The following NAV3 variants were observed in gnomAD, a reference collection of about 807,000 sequenced individuals.
The protein encoded by NAV3 is neuron navigator 3, also known as pore membrane and/or filament interacting like protein 1.
Under a neutral mutation model 244.7 loss-of-function variants are expected in NAV3, and 87 were observed. The ratio of observed to expected loss-of-function variants is 0.36; its 90% CI spans 0.30 to 0.42. The LOEUF is 0.42. NAV3 is among the 20% of genes least tolerant of loss of function. The pLI is 1.00. For missense variants in NAV3, 2,663 were observed against 2,893.3 expected (o/e 0.92, Z 1.83); for synonymous variants, 1,126 against 1,042.2 (o/e 1.08, Z -1.55).
intron 1 of NAV3, among the ~76,000 whole-genome samples, chr12:77,846,094 A>T (rs955304195): frequency 6.6e-6 from 1 of 152,218 alleles, no homozygotes; most frequent in Non-Finnish European, 1.5e-5. Context: ...GGAAAGGGAT[A>T]GGCTTATGTA....
At chr12:77,576,418 G>A (rs1322329678) in intron 2 of NAV3, among the ~76,000 whole-genome samples, 1 of 151,950 alleles carries the variant, frequency 6.6e-6, no homozygotes, top group Non-Finnish European at 1.5e-5. Context: ...TCAAACAGAA[G>A]CGTGGTCTGG....
intron 13 of NAV3, among the ~76,000 whole-genome samples, chr12:78,117,640 A>G (rs942303170): frequency 6.6e-6 from 1 of 151,614 alleles, no homozygotes; most frequent in African/African-American, 2.4e-5. Context: ...AATTATTTTC[A>G]TAGTCTAATT....
intron 1 of NAV3, among the ~76,000 whole-genome samples, chr12:77,833,051 C>G (rs1461840124): frequency 6.6e-6 from 1 of 152,238 alleles, no homozygotes; most frequent in Non-Finnish European, 1.5e-5. Flanking sequence ...ATCCTTTAAG[C>G]TTTATCCCAG....
chr12:78,154,374 GTA>G (rs887253772), intron 22 of NAV3, among the ~76,000 whole-genome samples: 10 of 122,574 alleles, frequency 8.2e-5, no homozygotes, highest in African/African-American at 1.5e-4. Context: ...ATATATGTGT[GTA>G]TATATATATA....
At position 77,588,955 on chromosome 12, in the gene NAV3, C is replaced by T. The variant is rs1437723767; in HGVS notation, c.72+16689C>T. On this transcript the variant is annotated intron_variant, in intron 2 of 8. Transcript: ENST00000550042. ...CAGTGGTCTGAATGTTAGGACTGGA[C>T]ACAGCAGAGCTATACCTGGGAATGA... 2.0e-5 allele frequency among the ~76,000 whole-genome samples: 3 copies of T among 152,116 alleles called. No homozygotes were observed. The East Asian group carries it at 5.8e-4, about 29-fold the overall frequency.
chr12:77,849,941 A>T (rs1877253174), intron 1 of NAV3, among the ~76,000 whole-genome samples: 1 of 152,170 alleles, frequency 6.6e-6, no homozygotes, highest in Non-Finnish European at 1.5e-5. Flanking sequence ...TACCTGATTA[A>T]AATTAAGACT....
At chr12:77,806,843 G>A (rs1404262066) in intron 2 of NAV3, among the ~76,000 whole-genome samples, 1 of 152,032 alleles carries the variant, frequency 6.6e-6, no homozygotes, top group Non-Finnish European at 1.5e-5. Flanking sequence ...TATGAATCTG[G>A]GTGCTCCTGT....
At position 78,154,285 on chromosome 12, in the gene NAV3, A is replaced by AAT. The variant is rs1957199725; in HGVS notation, c.4786-4918_4786-4917insAT. 1.8e-4 allele frequency among the ~76,000 whole-genome samples: 11 copies of AAT among 61,412 alleles called. No individual in the cohort carries two copies. The Admixed American group carries it at 2.7e-3, about 15-fold the overall frequency. The allele number at this position is 61,412 out of a possible 152,430, so 40.3% of individuals were successfully genotyped here. ...ATATATAGTATATATTACTATATAT[A>AAT]CTACTATATATTACTATATAATATA... is the stretch of plus-strand genomic sequence containing the variant. On this transcript the variant is annotated intron_variant, in intron 22 of 39. Coordinates refer to ENST00000397909, the MANE Select transcript of NAV3 (RefSeq NM_001024383.2).
At position 78,048,821 on chromosome 12, in the gene NAV3, C is replaced by T. The variant is rs112656254; in HGVS notation, c.2024-1172C>T. ...AGTCTGCTGAGCCTGCGCCCACAGC[C>T]GCCCCTTCCCCCAGGTGCTCTGTCC... On this transcript the variant is annotated intron_variant, in intron 9 of 39. Coordinates refer to ENST00000397909, the MANE Select transcript of NAV3 (RefSeq NM_001024383.2). Among the ~76,000 whole-genome samples the T allele has an allele frequency of 2.4e-3, 364 of 152,290 alleles. 2 individuals carry two copies. The highest frequency in any genetic ancestry group is 7.6e-3 in the African/African-American group (317 of 41,576).
chr12:77,728,873 G>C (rs570699817), intron 2 of NAV3, among the ~76,000 whole-genome samples: 1 of 149,150 alleles, frequency 6.7e-6, no homozygotes. Flanking sequence ...TTCTGCCTCT[G>C]CTACCCCTGA....
intron 2 of NAV3, among the ~76,000 whole-genome samples, chr12:77,631,417 T>G (rs1318025347): frequency 2.6e-5 from 4 of 152,058 alleles, no homozygotes; most frequent in Admixed American, 2.6e-4. Context: ...CAGTGTTGCT[T>G]TAATTTGTAA....
At chr12:78,189,550 A>T (rs1015014640) in intron 33 of NAV3, among the ~76,000 whole-genome samples, 1 of 141,418 alleles carries the variant, frequency 7.1e-6, no homozygotes, top group African/African-American at 2.4e-5. Context: ...AAGAAAGAAC[A>T]CACACACACC....
chr12:77,784,980 G>A (rs1870838338), intron 2 of NAV3, among the ~76,000 whole-genome samples: 1 of 152,114 alleles, frequency 6.6e-6, no homozygotes, highest in South Asian at 2.1e-4. Flanking sequence ...TTGGAAGGAT[G>A]AATTTGGGTA....
intron 12 of NAV3, among the ~76,000 whole-genome samples, chr12:78,070,071 A>T (rs1952679537): frequency 6.6e-6 from 1 of 151,922 alleles, no homozygotes; most frequent in African/African-American, 2.4e-5. Flanking sequence ...ACAGAACAAA[A>T]CTCTATCATT....
rs780336447 is a variant in NAV3, at chr12:78,199,470, G to C, written c.6654G>C (p.Pro2218=). The C allele has an allele frequency of 6.2e-7, 1 of 1,609,610 alleles. No individual in the cohort carries two copies. Residue 2218 remains proline (P), a synonymous_variant, in exon 37 of 40, where the codon CCG becomes CCC. Coordinates refer to ENST00000397909, the MANE Select transcript of NAV3 (RefSeq NM_001024383.2). ...TAGTCAAAATTATAGATTGGATTCCGAAGACGTGGCATCATCTCAACAGTT... is the reference window on the plus strand; with the variant it reads ...TAGTCAAAATTATAGATTGGATTCCCAAGACGTGGCATCATCTCAACAGTT... ...NDLVKIIDWI[P]KTWHHLNSFL...
In NAV3 at chr12:78,210,436, C is replaced by T; in HGVS notation, c.7077C>T (p.Tyr2359=). The change falls in exon 40 of 40, where the codon TAC becomes TAT. Residue 2359 remains tyrosine (Y), a synonymous_variant. Coordinates refer to ENST00000397909, the MANE Select transcript of NAV3 (RefSeq NM_001024383.2). The part of the protein sequence containing the change: ...MLMKLQEAAN[Y]SSTQSCDSES... The stretch of plus-strand genomic sequence containing the variant: ...TGAAACTCCAAGAAGCAGCCAATTA[C>T]TCGAGCACACAAAGCTGCGACAGCG... 6.2e-7 allele frequency: 1 copy of T among 1,613,708 alleles called. No homozygotes were observed. The highest frequency in any genetic ancestry group is 8.5e-7 in the Non-Finnish European group (1 of 1,179,864).
intron 31 of NAV3, among the ~76,000 whole-genome samples, chr12:78,187,799 G>T (rs372750807): frequency 1.8e-3 from 266 of 151,906 alleles, no homozygotes; most frequent in African/African-American, 6.1e-3. Context: ...CTTATCAAAG[G>T]TAAGATCACA....
intron 7 of NAV3, among the ~76,000 whole-genome samples, chr12:77,999,857 C>T (rs944925388): frequency 2.6e-5 from 4 of 151,792 alleles, no homozygotes; most frequent in African/African-American, 9.7e-5. Context: ...CAGGCTAATA[C>T]TTCCTGTATA....
intron 9 of NAV3, among the ~76,000 whole-genome samples, chr12:78,041,667 G>T (rs1229293410): frequency 1.3e-5 from 2 of 152,166 alleles, no homozygotes; most frequent in African/African-American, 4.8e-5. Flanking sequence ...AGATGGCCTT[G>T]TCCCATGTGA....
Sources: allele counts gnomAD v4.1 joint callset (sites outside exome capture counted in the v4.1 genomes callset), GRCh38; gene constraint gnomAD v4.1.1; transcripts MANE v1.5; gene names NCBI Gene and HGNC (gene_info 2026-07-23, HGNC 2026-07-21).